The following EVI5 variants were observed in gnomAD, a reference collection of about 807,000 sequenced individuals.
EVI5 encodes the protein ecotropic viral integration site 5, also known as ecotropic viral integration site 5 protein homolog.
A neutral mutation model predicts 112.0 loss-of-function variants in EVI5; 73 were observed. The ratio of observed to expected loss-of-function variants is 0.65; its 90% CI spans 0.54 to 0.79. The LOEUF (loss-of-function observed/expected upper bound fraction) is 0.79, where lower values mean the gene tolerates loss of function less well. EVI5 is among the 30% of genes least tolerant of loss of function. EVI5 has a pLI of 0.00. For missense variants in EVI5, 900 were observed against 968.8 expected (o/e 0.93, Z 0.94); for synonymous variants, 305 against 319.9 (o/e 0.95, Z 0.50).
chr1:92,604,381 T>G (rs1258965644), intron 18 of EVI5, among the ~76,000 whole-genome samples: 1 of 22,130 alleles, frequency 4.5e-5, no homozygotes, highest in African/African-American at 2.4e-4. Flanking sequence ...AAAACATTTG[T>G]GTTAAAAACT....
At chr1:92,648,642 T>C (rs1257527339) in intron 13 of EVI5, among the ~76,000 whole-genome samples, 2 of 152,236 alleles carry the variant, frequency 1.3e-5, no homozygotes, top group Admixed American at 6.5e-5. Flanking sequence ...TGTGATCTTT[T>C]GGGTCTGGCT....
At chr1:92,783,498 A>AAGAAAAAAAAAAAAAAG in intron 1 of EVI5, among the ~76,000 whole-genome samples, 1 of 128,980 alleles carries the variant, frequency 7.8e-6, no homozygotes, top group South Asian at 2.3e-4. Context: ...AAAAAAAAAA[A>AAGAAAAAAAAAAAAAAG]AAAAAAAAAG....
chr1:92,629,964 G>A (rs569051865), intron 14 of EVI5, among the ~76,000 whole-genome samples: 52 of 152,178 alleles, frequency 3.4e-4, no homozygotes, highest in African/African-American at 1.2e-3. Context: ...ATGGTTTCCA[G>A]CTTCATCCAC....
Position 92,685,603 on chromosome 1 carries a change from T to C in EVI5, c.1097+8199A>G, listed in dbSNP as rs140438958. Among the ~76,000 whole-genome samples, 354 of 152,088 alleles carry C rather than the reference T, an allele frequency of 2.3e-3. 1 individual carries two copies. Among genetic ancestry groups the C allele is most frequent in the African/African-American group, 8.1e-3 (337 of 41,490 alleles). ...CACAAAAATCCCTTCAAAAAATCAA[T>C]GAATTCAGGAGCTGGTGTTTTGAAG... On this transcript the variant is annotated intron_variant, in intron 9 of 19. Coordinates refer to ENST00000684568, the MANE Select transcript of EVI5 (RefSeq NM_001350197.2).
chr1:92,756,567 T>C (rs1347626229), intron 1 of EVI5: 3 of 514,408 alleles, frequency 5.8e-6, no homozygotes, highest in Non-Finnish European at 1.2e-5. Flanking sequence ...ATGATAATGA[T>C]GTGAAAGAAG....
chr1:92,564,748 C>T (rs1014452220), intron 18 of EVI5, among the ~76,000 whole-genome samples: 2 of 148,138 alleles, frequency 1.4e-5, no homozygotes, highest in Non-Finnish European at 1.5e-5. Context: ...GGCGCGATTT[C>T]GGCTCATTGC....
chr1:92,554,121 G>T (rs1168705180), intron 19 of EVI5, among the ~76,000 whole-genome samples: 1 of 152,096 alleles, frequency 6.6e-6, no homozygotes, highest in Admixed American at 6.6e-5. Context: ...ATGTCAAGTT[G>T]GACAAATTCT....
chr1:92,570,101 A>G (rs952678985), intron 18 of EVI5, among the ~76,000 whole-genome samples: 17 of 151,786 alleles, frequency 1.1e-4, no homozygotes, highest in African/African-American at 3.6e-4. Context: ...AAATAAGGGG[A>G]AAAAAAACAC....
intron 14 of EVI5, among the ~76,000 whole-genome samples, chr1:92,634,486 G>A (rs1474330739): frequency 6.6e-6 from 1 of 152,072 alleles, no homozygotes; most frequent in Non-Finnish European, 1.5e-5. Flanking sequence ...ACTGAGGCTT[G>A]TGCATTCGTC....
At chr1:92,567,915 G>A (rs551758350) in intron 18 of EVI5, among the ~76,000 whole-genome samples, 10 of 152,112 alleles carry the variant, frequency 6.6e-5, no homozygotes, top group African/African-American at 2.4e-4. Context: ...TTGAAAATTT[G>A]GTTAGAAATA....
intron 2 of EVI5, among the ~76,000 whole-genome samples, chr1:92,724,205 G>GCT (rs1675199283): frequency 6.6e-6 from 1 of 151,860 alleles, no homozygotes; most frequent in Non-Finnish European, 1.5e-5. Context: ...TGGTTTTGCA[G>GCT]CTCGGGGTCA....
intron 2 of EVI5, among the ~76,000 whole-genome samples, chr1:92,735,905 T>C (rs1677351660): frequency 6.8e-6 from 1 of 147,322 alleles, no homozygotes; most frequent in Non-Finnish European, 1.5e-5. Flanking sequence ...CCTCTGACAA[T>C]AACATGGTAA....
At chr1:92,715,507 T>G (rs1268634354) in intron 2 of EVI5, among the ~76,000 whole-genome samples, 1 of 152,180 alleles carries the variant, frequency 6.6e-6, no homozygotes, top group Non-Finnish European at 1.5e-5. Context: ...GATGGCTGAA[T>G]AGGAACAGCT....
At chr1:92,543,342 CT>C (rs1665145585) in intron 19 of EVI5, among the ~76,000 whole-genome samples, 1 of 152,222 alleles carries the variant, frequency 6.6e-6, no homozygotes, top group East Asian at 1.9e-4. Flanking sequence ...TAGCCTCCCA[CT>C]TTCCTTCTGC....
rs867552156 is a variant in EVI5, at chr1:92,532,110, A to G, written c.2167-18140T>C. Reference sequence around the variant, plus strand: ...GAGGAGTATTTACCAAGCAAATGGAAAGCAAAAAAAAGCAGGGGTTGCAAT... The same window carrying G: ...GAGGAGTATTTACCAAGCAAATGGAGAGCAAAAAAAAGCAGGGGTTGCAAT... On this transcript the variant is annotated intron_variant, in intron 19 of 19. Coordinates refer to ENST00000684568, the MANE Select transcript of EVI5 (RefSeq NM_001350197.2). Among the ~76,000 whole-genome samples, 11 of 40,404 alleles carry G rather than the reference A, an allele frequency of 2.7e-4. No homozygotes were observed. In the South Asian group the frequency reaches 7.0e-3, roughly 26 times the overall value. 26.5% of individuals were successfully genotyped at this position (40,404 alleles called of 152,430 possible).
At chr1:92,560,606 G>A (rs1256458097) in intron 19 of EVI5, among the ~76,000 whole-genome samples, 1 of 151,836 alleles carries the variant, frequency 6.6e-6, no homozygotes, top group Non-Finnish European at 1.5e-5. Context: ...CTGGAGTGCA[G>A]TGGTGATCAC....
chr1:92,730,823 T>G (rs2102767353), intron 2 of EVI5, among the ~76,000 whole-genome samples: 1 of 152,186 alleles, frequency 6.6e-6, no homozygotes, highest in Non-Finnish European at 1.5e-5. Context: ...CCATTCAAAT[T>G]TATACAGGAG....
intron 13 of EVI5, among the ~76,000 whole-genome samples, chr1:92,638,256 C>T (rs1009343675): frequency 1.8e-4 from 27 of 152,076 alleles, no homozygotes; most frequent in African/African-American, 5.8e-4. Context: ...ATGTTGGGCA[C>T]AAATCTTTAT....
intron 16 of EVI5, among the ~76,000 whole-genome samples, chr1:92,621,672 T>C (rs1654624456): frequency 6.6e-6 from 1 of 152,170 alleles, no homozygotes; most frequent in Admixed American, 6.5e-5. Context: ...CTCCCTCAAG[T>C]GTACATATAT....
Sources: allele counts gnomAD v4.1 joint callset (sites outside exome capture counted in the v4.1 genomes callset), GRCh38; gene constraint gnomAD v4.1.1; transcripts MANE v1.5; gene names NCBI Gene and HGNC (gene_info 2026-07-23, HGNC 2026-07-21).